GTF2IRD2: variants seen among roughly 807,000 people sequenced by gnomAD.
The protein encoded by GTF2IRD2 is GTF2I repeat domain containing 2, also known as general transcription factor II-I repeat domain-containing protein 2A.
GTF2IRD2 carries 8 observed loss-of-function variants against 49.2 expected under a neutral mutation model. The observed-to-expected ratio is 0.16, with a 90% CI of 0.10 to 0.29. The LOEUF (loss-of-function observed/expected upper bound fraction) is 0.29. GTF2IRD2 is among the 10% of genes least tolerant of loss of function. The pLI is 1.00. For synonymous variants in GTF2IRD2, 47 were observed against 289.7 expected, an observed-to-expected ratio of 0.16 and a Z score of 8.51; for missense variants, 130 against 725.7, an observed-to-expected ratio of 0.18 and a Z score of 9.43.
intron 1 of GTF2IRD2, among the ~76,000 whole-genome samples, chr7:74,842,937 T>G (rs1166601981): frequency 9.6e-6 from 1 of 103,860 alleles, no homozygotes; most frequent in Non-Finnish European, 1.9e-5. Context: ...TTTATTTATT[T>G]GTTTTTGAGA....
chr7:74,841,255 C>T (rs1311779910), intron 1 of GTF2IRD2, among the ~76,000 whole-genome samples: 1 of 101,796 alleles, frequency 9.8e-6, no homozygotes. Context: ...GCAATCCCTG[C>T]CTCTGGGGTT....
chr7:74,839,647 G>A (rs1554421449), intron 1 of GTF2IRD2, among the ~76,000 whole-genome samples: 1 of 122,466 alleles, frequency 8.2e-6, no homozygotes, highest in African/African-American at 3.1e-5. Context: ...TTTGCCTAGT[G>A]CTATTTCCAC....
rs1436027953 is a variant in GTF2IRD2 at position 74,838,384 on chromosome 7, T to TC, written c.-5-2002_-5-2001insG. The stretch of plus-strand genomic sequence containing the variant: ...TCACTCTAAATTTTGCCAAGATTTT[T>TC]TTTTTTTTTTTTAGCTTTTTGTTTG... On this transcript the variant is annotated intron_variant, in intron 1 of 15. Coordinates refer to ENST00000451013, the MANE Select transcript of GTF2IRD2 (RefSeq NM_173537.5). 2.6e-3 allele frequency among the ~76,000 whole-genome samples: 335 copies of TC among 128,138 alleles called. 30 individuals are homozygous for TC. Among genetic ancestry groups the TC allele is most frequent in the Middle Eastern group, 7.6e-3 (2 of 264 alleles). 84.1% of individuals were successfully genotyped at this position (128,138 alleles called of 152,430 possible). A position where few individuals can be genotyped will look rare whatever the true frequency, so the allele number is the denominator to read the frequency against.
In GTF2IRD2 at chr7:74,839,775, A is replaced by C. The variant is rs71218375; in HGVS notation, c.-5-3392T>G. On this transcript the variant is annotated intron_variant, in intron 1 of 15. Transcript: ENST00000451013. ...TCCCAACACTTTTGGAGGCTGAGGC[A>C]AGCGGATCACTTGAGGTCAGGAGTT... Among the ~76,000 whole-genome samples the C allele has an allele frequency of 1.9e-4, 8 of 42,660 alleles. 2 individuals are homozygous for C. 28.0% of individuals were successfully genotyped at this position (42,660 alleles called of 152,430 possible).
intron 1 of GTF2IRD2, among the ~76,000 whole-genome samples, chr7:74,842,655 C>T (rs1199714501): frequency 6.3e-5 from 9 of 142,936 alleles, no homozygotes; most frequent in Non-Finnish European, 1.2e-4. Context: ...ACCTCCTGGG[C>T]TCAAGCAATG....
Position 74,813,439 on chromosome 7 carries a change from C to T in GTF2IRD2, c.671-623G>A, listed in dbSNP as rs1184163769. Among the ~76,000 whole-genome samples the T allele has an allele frequency of 4.4e-4, 25 of 56,640 alleles. 7 individuals carry two copies. Among genetic ancestry groups the T allele is most frequent in the Non-Finnish European group, 1.0e-3 (24 of 23,330 alleles). The allele number at this position is 56,640 out of a possible 152,430, so 37.2% of individuals were successfully genotyped here. A position where few individuals can be genotyped will look rare whatever the true frequency, so the allele number is the denominator to read the frequency against. On this transcript the variant is annotated intron_variant, in intron 8 of 15. Coordinates refer to ENST00000451013, the MANE Select transcript of GTF2IRD2 (RefSeq NM_173537.5). ...AGGATGAAGGAAGGCATCGTGAAGG[C>T]GGGAGAGCTTAGTTCTGATTCTAGT...
intron 1 of GTF2IRD2, among the ~76,000 whole-genome samples, chr7:74,840,169 A>C (rs1554421591): frequency 2.7e-5 from 2 of 73,846 alleles, no homozygotes; most frequent in East Asian, 1.2e-3. Context: ...ATCTCTGCGC[A>C]CTGCAAGCTC....
chr7:74,815,863 A>AAAG, intron 8 of GTF2IRD2, among the ~76,000 whole-genome samples: 1 of 106,506 alleles, frequency 9.4e-6, no homozygotes, highest in African/African-American at 3.8e-5. Context: ...AGAAAGAAAG[A>AAAG]AAGAGAAAAT....
At chr7:74,813,689 C>T (rs1179819562) in intron 8 of GTF2IRD2, among the ~76,000 whole-genome samples, 1 of 100,720 alleles carries the variant, frequency 9.9e-6, no homozygotes, top group African/African-American at 2.9e-5. Context: ...CCTGCCTCAG[C>T]CTCCCAAGTG....
chr7:74,842,634 C>T (rs1412434260), intron 1 of GTF2IRD2, among the ~76,000 whole-genome samples: 5 of 145,664 alleles, frequency 3.4e-5, no homozygotes, highest in Non-Finnish European at 7.5e-5. Flanking sequence ...GGTGCAATCA[C>T]TGTAGCCTTG....
intron 6 of GTF2IRD2, chr7:74,821,779 C>A (rs1401344849): frequency 1.3e-5 from 1 of 77,944 alleles, no homozygotes; most frequent in African/African-American, 6.9e-5. Context: ...GTCTCGAACT[C>A]CTGACCTCAA....
At chr7:74,821,902 A>G (rs1382617963) in intron 6 of GTF2IRD2, 2 of 47,836 alleles carry the variant, frequency 4.2e-5, no homozygotes, top group East Asian at 3.7e-3. Context: ...TTTTTAAAAA[A>G]TATTCTTTAT....
chr7:74,836,727 G>A (rs1800374646), intron 1 of GTF2IRD2, among the ~76,000 whole-genome samples: 2 of 152,338 alleles, frequency 1.3e-5, no homozygotes, highest in South Asian at 4.2e-4. Flanking sequence ...CATCACGCCT[G>A]GCTGATTTTT....
chr7:74,842,393 C>G (rs1432466064), intron 1 of GTF2IRD2, among the ~76,000 whole-genome samples: 1 of 137,792 alleles, frequency 7.3e-6, no homozygotes, highest in Non-Finnish European at 1.5e-5. Flanking sequence ...CCATGCCCAG[C>G]TAATTTTTTG....
At chr7:74,839,932 G>A (rs1481375283) in intron 1 of GTF2IRD2, among the ~76,000 whole-genome samples, 26 of 144,718 alleles carry the variant, frequency 1.8e-4, no homozygotes, top group Admixed American at 1.1e-3. Context: ...CCCAGAAGGC[G>A]GAGGTTGCAG....
At chr7:74,822,051 G>C (rs1321698147) in intron 6 of GTF2IRD2, 1 of 283,846 alleles carries the variant, frequency 3.5e-6, no homozygotes, top group Non-Finnish European at 6.8e-6. Context: ...TTCAAGTTTT[G>C]TTTTTTTTTT....
At chr7:74,798,333 A>G in intron 15 of GTF2IRD2, 68 bp from the exon 16 acceptor site, 1 of 620,680 alleles carries the variant, frequency 1.6e-6, no homozygotes, top group Non-Finnish European at 3.0e-6. Flanking sequence ...GGAAAACAAC[A>G]GCAAATGCTT....
At chr7:74,845,477 GA>G (rs1554422376) in intron 1 of GTF2IRD2, among the ~76,000 whole-genome samples, 2 of 151,424 alleles carry the variant, frequency 1.3e-5, no homozygotes, top group Non-Finnish European at 2.9e-5. Flanking sequence ...TTTTTGTAGA[GA>G]GGGGGTTTCG....
chr7:74,822,351 C>T, intron 6 of GTF2IRD2, 76 bp downstream of exon 6: 2 of 665,424 alleles, frequency 3.0e-6, no homozygotes, highest in Non-Finnish European at 5.5e-6. Flanking sequence ...CGCCCGGCCC[C>T]CAATTCAAGT....
Sources: allele counts gnomAD v4.1 joint callset (sites outside exome capture counted in the v4.1 genomes callset), GRCh38; gene constraint gnomAD v4.1.1; transcripts MANE v1.5; gene names NCBI Gene and HGNC (gene_info 2026-07-23, HGNC 2026-07-21).